Variants in RARA observed in about 807,000 individuals in gnomAD.
RARA encodes the protein retinoic acid receptor alpha.
RARA carries 5 observed loss-of-function variants against 42.8 expected under a neutral mutation model. That is an observed-to-expected ratio of 0.12 (90% CI 0.06 to 0.25). The LOEUF is 0.25. Ranked by LOEUF, RARA falls within the 10% of genes least tolerant of loss-of-function variation. The pLI is 1.00. For synonymous variants in RARA, 256 were observed against 259.5 expected (o/e 0.99, Z 0.13); for missense variants, 402 against 628.7 (o/e 0.64, Z 3.86).
intron 3 of RARA, chr17:40,349,415 G>A (rs1486988666): frequency 1.8e-5 from 4 of 217,074 alleles, no homozygotes; most frequent in Middle Eastern, 1.6e-3. Context: ...TTCTTTTCCT[G>A]TGTTCTGAGT....
rs1416920772 is a variant in RARA, at chr17:40,315,169, T to TACAC, written c.-363+5884_-363+5885insCACA. On this transcript the variant is annotated intron_variant, in intron 1 of 8. Transcript: ENST00000254066. ...ATATATATATATATATATATATATA[T>TACAC]ATACACACACACACACACACACACA... Among the ~76,000 whole-genome samples, 12 of 107,380 alleles carry TACAC rather than the reference T, an allele frequency of 1.1e-4. No homozygotes were observed. In the South Asian group the frequency reaches 1.2e-3, roughly 10 times the overall value. 70.4% of individuals were successfully genotyped at this position (107,380 alleles called of 152,430 possible).
chr17:40,357,136 GGGC>G lies in RARA; in HGVS notation c.*911_*913del. The G allele has an allele frequency of 4.0e-6, 1 of 251,494 alleles. No homozygotes were observed. Among genetic ancestry groups the G allele is most frequent in the Non-Finnish European group, 7.8e-6 (1 of 128,698 alleles). The allele number at this position is 251,494 out of a possible 1,614,324, so 15.6% of individuals were successfully genotyped here. ...TGCACCCACCATGAGGCATGGAGCA[GGGC>G]AGAGCAAGGGCCCCGGGACAGAGTT... is the stretch of plus-strand genomic sequence containing the variant. On this transcript the variant is annotated 3_prime_UTR_variant, in exon 9 of 9. Transcript: ENST00000254066.
At chr17:40,341,284 T>TA (rs1205686122) in intron 2 of RARA, 2 of 1,368,316 alleles carry the variant, frequency 1.5e-6, no homozygotes, top group Non-Finnish European at 1.9e-6. Context: ...GGCGGGGCTT[T>TA]GCTCGCCGGA....
At position 40,349,938 on chromosome 17, in the gene RARA, G is replaced by A. The variant is rs750297352; in HGVS notation, c.469+13G>A. 1.9e-6 allele frequency: 3 copies of A among 1,613,388 alleles called. No homozygotes were observed. The highest frequency in any genetic ancestry group is 2.5e-6 in the Non-Finnish European group (3 of 1,179,330). Reference sequence around the variant, plus strand: ...ATGTCCAAGGAGTGTGAGTGCCATAGGGCAGGGGCCGAGTCCCGCCTCAGT... The same window carrying A: ...ATGTCCAAGGAGTGTGAGTGCCATAAGGCAGGGGCCGAGTCCCGCCTCAGT... On this transcript the variant is annotated intron_variant, in intron 4 of 8. Coordinates refer to ENST00000254066, the MANE Select transcript of RARA (RefSeq NM_000964.4).
At chr17:40,309,789 C>CGG (rs2033061706) in intron 1 of RARA, among the ~76,000 whole-genome samples, 2 of 152,218 alleles carry the variant, frequency 1.3e-5, no homozygotes, top group East Asian at 1.9e-4. Flanking sequence ...AGGTTCATCT[C>CGG]ACACTTGGGT....
intron 2 of RARA, among the ~76,000 whole-genome samples, chr17:40,332,018 G>A (rs376841181): frequency 6.6e-6 from 1 of 152,198 alleles, no homozygotes; most frequent in Admixed American, 6.5e-5. Context: ...CTCTGGCCTC[G>A]GACGCATGCA....
intron 3 of RARA, 190 bp downstream of exon 3, chr17:40,348,654 G>C (rs1477143713): frequency 6.9e-5 from 44 of 638,676 alleles, no homozygotes; most frequent in Non-Finnish European, 1.1e-4. Flanking sequence ...AATGTGCAGG[G>C]CTCCCTCAAA....
chr17:40,338,703 A>C, intron 2 of RARA, among the ~76,000 whole-genome samples: 1 of 119,076 alleles, frequency 8.4e-6, no homozygotes, highest in African/African-American at 3.9e-5. Flanking sequence ...CAAGACTTGG[A>C]CTCAAAAAAA....
chr17:40,336,402 A>G (rs564122145), intron 2 of RARA, among the ~76,000 whole-genome samples: 1 of 147,854 alleles, frequency 6.8e-6, no homozygotes, highest in South Asian at 2.1e-4. Flanking sequence ...TTATTTATTT[A>G]TTTGTTTTAG....
At chr17:40,310,117 C>T (rs2033068094) in intron 1 of RARA, among the ~76,000 whole-genome samples, 5 of 152,146 alleles carry the variant, frequency 3.3e-5, no homozygotes, top group Admixed American at 3.3e-4. Context: ...CTTGCCAGCT[C>T]CCTGAGCTTC....
rs1056076611 is a variant in RARA at position 40,345,514 on chromosome 17, C to G, written c.179-2802C>G. ...GGGGCGTGGGGAATCCGGAGTGGAGCGCTCTGCGCCGCCCGCCCTGCCAGG... is the reference window on the plus strand; with the variant it reads ...GGGGCGTGGGGAATCCGGAGTGGAGGGCTCTGCGCCGCCCGCCCTGCCAGG... On this transcript the variant is annotated intron_variant, in intron 2 of 8. Transcript: ENST00000254066. This position sits in a 1 kb window ranked among gnomAD's most constrained non-coding sequence, Gnocchi z 4.8. 5.9e-5 allele frequency among the ~76,000 whole-genome samples: 9 copies of G among 152,330 alleles called. No individual in the cohort carries two copies. Among genetic ancestry groups the G allele is most frequent in the Middle Eastern group, 3.4e-3 (1 of 294 alleles).
chr17:40,316,847 G>T (rs2033225002), intron 1 of RARA, among the ~76,000 whole-genome samples: 1 of 152,074 alleles, frequency 6.6e-6, no homozygotes, highest in Non-Finnish European at 1.5e-5. Flanking sequence ...CGCACCGGCG[G>T]ACGGAAATCC....
intron 2 of RARA, among the ~76,000 whole-genome samples, chr17:40,332,326 G>A (rs1184589389): frequency 1.3e-5 from 2 of 152,110 alleles, no homozygotes; most frequent in Non-Finnish European, 2.9e-5. Flanking sequence ...CTGCTGGCTG[G>A]CCGGCTGGTC....
intron 1 of RARA, among the ~76,000 whole-genome samples, chr17:40,315,100 G>GTATGTATA (rs1555569196): frequency 4.9e-4 from 36 of 72,818 alleles, no homozygotes; most frequent in African/African-American, 1.7e-3. Flanking sequence ...TGGGTTATAT[G>GTATGTATA]TATATATATA....
rs2033677486 is a variant in RARA at position 40,331,047 on chromosome 17, G to T, written c.-172G>T. ...CCCCCAGCTAGGGTGGGGGCTCCAG[G>T]AGACTGAGATTAGCCTGCCCTCTTT... On this transcript the variant is annotated 5_prime_UTR_variant, in exon 2 of 9. Coordinates refer to ENST00000254066, the MANE Select transcript of RARA (RefSeq NM_000964.4). 2.8e-6 allele frequency: 2 copies of T among 705,188 alleles called. No homozygotes were observed. The highest frequency in any genetic ancestry group is 4.4e-6 in the Non-Finnish European group (2 of 449,862). 43.7% of individuals were successfully genotyped at this position (705,188 alleles called of 1,614,324 possible).
intron 1 of RARA, among the ~76,000 whole-genome samples, chr17:40,321,800 A>T (rs2033391756): frequency 6.6e-6 from 1 of 152,112 alleles, no homozygotes; most frequent in Non-Finnish European, 1.5e-5. Context: ...TGACAGGTGT[A>T]ATTTCTGCAG....
intron 2 of RARA, chr17:40,342,465 C>T: frequency 8.1e-7 from 1 of 1,228,420 alleles, no homozygotes; most frequent in Non-Finnish European, 1.0e-6. Context: ...CTGGGAGAGC[C>T]GACGGACCCC....
intron 2 of RARA, among the ~76,000 whole-genome samples, chr17:40,339,165 G>A (rs2143349558): frequency 1.3e-5 from 2 of 152,352 alleles, no homozygotes; most frequent in African/African-American, 4.8e-5. Context: ...GTGAGGGGCA[G>A]GGTAGAGCTG....
chr17:40,346,576 A>G (rs2034273297), intron 2 of RARA, among the ~76,000 whole-genome samples: 1 of 151,338 alleles, frequency 6.6e-6, no homozygotes, highest in Non-Finnish European at 1.5e-5. Context: ...AAAAGTTAGC[A>G]CAACAAAGGG....
Sources: gnomAD v4.1 joint callset for allele counts (sites outside exome capture counted in the v4.1 genomes callset) on GRCh38, gnomAD v4.1.1 for gene constraint, Gnocchi (gnomAD v3.1) non-coding constraint, MANE v1.5 for transcripts, NCBI Gene and HGNC (gene_info 2026-07-23, HGNC 2026-07-21) for gene names.